Variants in FIGNL2 observed in about 807,000 individuals in gnomAD.
FIGNL2 encodes the protein fidgetin-like protein 2.
For synonymous variants in FIGNL2, 565 were observed against 484.0 expected, an observed-to-expected ratio of 1.17 and a Z score of -2.20; for missense variants, 1,060 against 950.2, an observed-to-expected ratio of 1.12 and a Z score of -1.52.
intron 1 of FIGNL2, among the ~76,000 whole-genome samples, chr12:51,832,253 G>T (rs1939486611): frequency 6.6e-6 from 1 of 152,074 alleles, no homozygotes; most frequent in Admixed American, 6.6e-5. Flanking sequence ...CTGACCTTAG[G>T]TGGTCCACCT....
chr12:51,821,417 G>A lies in FIGNL2; in HGVS notation c.997C>T (p.Leu333=). Residue 333 remains leucine, a synonymous_variant, in exon 2 of 2, where the codon CTG becomes TTG. Coordinates refer to ENST00000618634, the MANE Select transcript of FIGNL2 (RefSeq NM_001384995.1). Reference sequence around the variant, plus strand: ...TGCGGGCCGTAGACGGGGGAGCCCAGGACCTTGAGGGGGACGCCGCCACCG... The same window carrying A: ...TGCGGGCCGTAGACGGGGGAGCCCAAGACCTTGAGGGGGACGCCGCCACCG... The part of the protein sequence containing the change: ...KYGGGVPLKV[L]GSPVYGPQLE... 13 of 1,536,900 alleles carry A rather than the reference G, an allele frequency of 8.5e-6. No homozygotes were observed. The highest frequency in any genetic ancestry group is 1.1e-5 in the Non-Finnish European group (13 of 1,144,280).
chr12:51,822,559 ACT>A, intron 1 of FIGNL2, 135 bp from the exon 2 acceptor site: 3 of 929,978 alleles, frequency 3.2e-6, no homozygotes, highest in Non-Finnish European at 5.0e-6. Context: ...CTACCGCCCC[ACT>A]CTCTTGGGGC....
chr12:51,822,246 G>A lies in FIGNL2; in HGVS notation c.168C>T (p.Ala56=), dbSNP rs1224320761. The change falls in exon 2 of 2, where the codon GCC becomes GCT. Residue 56 remains alanine (A), a synonymous_variant. Transcript: ENST00000618634. ...CTGCATAGCGCTTTAGGAGGTTGGAGGCAGTGAGGGCTGAGATGTCGTCGT... is the reference window on the plus strand; with the variant it reads ...CTGCATAGCGCTTTAGGAGGTTGGAAGCAGTGAGGGCTGAGATGTCGTCGT... ...WAHDDISALT[A]SNLLKRYAEK... 1 of 1,611,226 alleles carries A rather than the reference G, an allele frequency of 6.2e-7. No homozygotes were observed. The highest frequency in any genetic ancestry group is 1.3e-5 in the African/African-American group (1 of 74,874).
At chr12:51,846,371 G>A (rs1411702119) in intron 1 of FIGNL2, among the ~76,000 whole-genome samples, 1 of 152,224 alleles carries the variant, frequency 6.6e-6, no homozygotes, top group Non-Finnish European at 1.5e-5. Flanking sequence ...GGACAATGAG[G>A]AAGGCATTTG....
At chr12:51,837,527 C>T (rs1287842918) in intron 1 of FIGNL2, among the ~76,000 whole-genome samples, 5 of 152,158 alleles carry the variant, frequency 3.3e-5, no homozygotes, top group African/African-American at 9.7e-5. Context: ...CCTTTTTTCT[C>T]TTGTGTTGCC....
At chr12:51,846,098 C>T (rs1052310647) in intron 1 of FIGNL2, among the ~76,000 whole-genome samples, 1 of 152,332 alleles carries the variant, frequency 6.6e-6, no homozygotes, top group South Asian at 2.1e-4. Context: ...CTTACAAAAC[C>T]CCTTTTATTC....
At chr12:51,830,296 A>T (rs1025099213) in intron 1 of FIGNL2, among the ~76,000 whole-genome samples, 1 of 151,892 alleles carries the variant, frequency 6.6e-6, no homozygotes, top group Non-Finnish European at 1.5e-5. Context: ...CTCAAAAAAA[A>T]AAAGAAGAAG....
intron 1 of FIGNL2, 85 bp from the exon 2 acceptor site, chr12:51,822,509 G>C (rs754567526): frequency 2.5e-4 from 374 of 1,519,180 alleles, no homozygotes; most frequent in Non-Finnish European, 3.2e-4. Flanking sequence ...AGTCCGCCTA[G>C]ACTGCGGCTT....
At chr12:51,848,186 C>G (rs1939793068) in intron 1 of FIGNL2, 1 of 984,946 alleles carries the variant, frequency 1.0e-6, no homozygotes, top group Admixed American at 6.2e-5. Context: ...GGGACCCGAA[C>G]CCGCAAACCT....
At chr12:51,847,716 T>C (rs1939782363) in intron 1 of FIGNL2, 1 of 985,300 alleles carries the variant, frequency 1.0e-6, no homozygotes, top group Non-Finnish European at 1.2e-6. Context: ...CAGCATTTGC[T>C]GATCACCTAC....
At chr12:51,846,664 G>A (rs2139005348) in intron 1 of FIGNL2, among the ~76,000 whole-genome samples, 1 of 151,974 alleles carries the variant, frequency 6.6e-6, no homozygotes, top group African/African-American at 2.4e-5. Context: ...GAATCGGGCA[G>A]GGCCTCCGAA....
At chr12:51,833,880 T>C (rs898814315) in intron 1 of FIGNL2, among the ~76,000 whole-genome samples, 2 of 151,988 alleles carry the variant, frequency 1.3e-5, no homozygotes, top group African/African-American at 4.9e-5. Flanking sequence ...TTCACTGTTA[T>C]ATCCCAAGCA....
chr12:51,847,745 C>A, intron 1 of FIGNL2: 1 of 985,394 alleles, frequency 1.0e-6, no homozygotes, highest in Non-Finnish European at 1.2e-6. Context: ...CAGCAATCTG[C>A]GAAGGACCCT....
chr12:51,825,296 C>T (rs543934092), intron 1 of FIGNL2, among the ~76,000 whole-genome samples: 1 of 152,112 alleles, frequency 6.6e-6, no homozygotes, highest in South Asian at 2.1e-4. Flanking sequence ...CTGGACTTGT[C>T]CACACACATC....
Position 51,820,709 on chromosome 12 carries a change from G to C in FIGNL2, c.1705C>G (p.Arg569Gly). Residue 569 changes from arginine (R) to glycine (G), a missense_variant, in exon 2 of 2, where the codon CGG becomes GGG. By Grantham distance (125) the Arg-to-Gly change is moderately radical (BLOSUM62 -2). Transcript: ENST00000618634. ...GCGCAGCCCTGCTGGGCCAGCGCCC[G>C]CTGCAGGATCTGCCCGCGGGCCGGG... ...DSPARGQILQ[R>G]ALAQQGCALS... 5 of 1,482,842 alleles carry C rather than the reference G, an allele frequency of 3.4e-6. No homozygotes were observed. The highest frequency in any genetic ancestry group is 4.4e-6 in the Non-Finnish European group (5 of 1,126,574). The allele number at this position is 1,482,842 out of a possible 1,614,324, so 91.9% of individuals were successfully genotyped here.
At chr12:51,832,820 T>C (rs986426173) in intron 1 of FIGNL2, among the ~76,000 whole-genome samples, 4 of 152,230 alleles carry the variant, frequency 2.6e-5, no homozygotes, top group Non-Finnish European at 5.9e-5. Context: ...ATAATTAACA[T>C]GCCCAAAAGT....
Position 51,841,199 on chromosome 12 carries a change from C to T in FIGNL2, c.-12+7341G>A, listed in dbSNP as rs566954386. Among the ~76,000 whole-genome samples, 64 of 152,174 alleles carry T rather than the reference C, an allele frequency of 4.2e-4. No homozygotes were observed. The South Asian group carries it at 8.5e-3, about 20-fold the overall frequency. ...CTGTCCTCAAGGGGGTGGCCCCCTA[C>T]ACCTGCAGGGCCACAGGAACACAGA... On this transcript the variant is annotated intron_variant, in intron 1 of 1. Coordinates refer to ENST00000618634, the MANE Select transcript of FIGNL2 (RefSeq NM_001384995.1).
At chr12:51,845,470 C>G (rs1050731728) in intron 1 of FIGNL2, 4 of 982,092 alleles carry the variant, frequency 4.1e-6, no homozygotes, top group South Asian at 4.7e-5. Flanking sequence ...GCCCCCCCCC[C>G]ACAGTCTCTG....
intron 1 of FIGNL2, among the ~76,000 whole-genome samples, chr12:51,840,425 A>G (rs1057454492): frequency 3.9e-5 from 6 of 152,198 alleles, no homozygotes; most frequent in African/African-American, 1.4e-4. Context: ...AGAAAAATAC[A>G]TGGGGCTACA....
Sources: gnomAD v4.1 joint callset for allele counts (sites outside exome capture counted in the v4.1 genomes callset) on GRCh38, gnomAD v4.1.1 for gene constraint, MANE v1.5 for transcripts, NCBI Gene and HGNC (gene_info 2026-07-23, HGNC 2026-07-21) for gene names.